Variants in TAFA4 observed in about 807,000 individuals in gnomAD.
TAFA4 encodes the protein TAFA chemokine like family member 4.
Under a neutral mutation model 21.1 loss-of-function variants are expected in TAFA4, and 20 were observed. The ratio of observed to expected loss-of-function variants is 0.95; its 90% CI spans 0.67 to 1.38. TAFA4 has a LOEUF of 1.38. Ranked by LOEUF, TAFA4 falls within the 40% of genes most tolerant of loss-of-function variation. TAFA4 has a pLI of 0.00. For missense variants in TAFA4, 211 were observed against 180.9 expected (o/e 1.17, Z -0.95); for synonymous variants, 71 against 67.4 (o/e 1.05, Z -0.26).
chr3:68,801,008 C>G (rs1027309494), intron 3 of TAFA4, among the ~76,000 whole-genome samples: 24 of 152,094 alleles, frequency 1.6e-4, no homozygotes, highest in Non-Finnish European at 2.4e-4. Flanking sequence ...GTTAGGCTTT[C>G]AAGTGTTGAA....
chr3:68,757,143 T>G (rs1702674156), intron 3 of TAFA4, among the ~76,000 whole-genome samples: 1 of 152,076 alleles, frequency 6.6e-6, no homozygotes, highest in African/African-American at 2.4e-5. Flanking sequence ...AGAAAGGTAT[T>G]TTCTCACAGC....
chr3:68,741,354 A>C (rs1176228100), intron 4 of TAFA4, among the ~76,000 whole-genome samples: 1 of 152,022 alleles, frequency 6.6e-6, no homozygotes, highest in Non-Finnish European at 1.5e-5. Context: ...ATTGATTCTT[A>C]AGTGTTTTAT....
chr3:68,838,476 TG>T (rs1173724647), intron 3 of TAFA4, among the ~76,000 whole-genome samples: 3 of 152,106 alleles, frequency 2.0e-5, no homozygotes, highest in Admixed American at 2.0e-4. Context: ...CAAAATTGAG[TG>T]GCCCAAGCAG....
chr3:68,834,888 A>G (rs756664020), intron 3 of TAFA4, among the ~76,000 whole-genome samples: 4 of 152,076 alleles, frequency 2.6e-5, no homozygotes, highest in Admixed American at 2.6e-4. Context: ...AAACCTCCCA[A>G]TGAGTCTCTG....
rs190732928 is a variant in TAFA4 at position 68,838,868 on chromosome 3, A to C, written c.130+41862T>G. ...TCCCAGCACTTTGGGAGGCCAAGGC[A>C]GGTAGATCGCTTGAGCCCAGGAGTT... On this transcript the variant is annotated intron_variant, in intron 3 of 5. Transcript: ENST00000295569. 5.3e-5 allele frequency among the ~76,000 whole-genome samples: 8 copies of C among 152,238 alleles called. No individual in the cohort carries two copies. The East Asian group carries it at 1.6e-3, about 30-fold the overall frequency.
At chr3:68,811,168 CT>C (rs1703828402) in intron 3 of TAFA4, among the ~76,000 whole-genome samples, 1 of 152,176 alleles carries the variant, frequency 6.6e-6, no homozygotes, top group Non-Finnish European at 1.5e-5. Flanking sequence ...AAAACCCCAT[CT>C]GTCGGTCACC....
intron 1 of TAFA4, among the ~76,000 whole-genome samples, chr3:68,918,560 C>G (rs2107018267): frequency 6.6e-6 from 1 of 152,304 alleles, no homozygotes; most frequent in Non-Finnish European, 1.5e-5. Flanking sequence ...TTGCTCGAGA[C>G]AGGGTCTTGC....
chr3:68,848,684 C>T (rs1278630972), intron 3 of TAFA4, among the ~76,000 whole-genome samples: 1 of 152,154 alleles, frequency 6.6e-6, no homozygotes, highest in African/African-American at 2.4e-5. Context: ...CATCCAGTAC[C>T]AGTGGCTCAG....
chr3:68,784,042 T>C (rs1164846863), intron 3 of TAFA4, among the ~76,000 whole-genome samples: 1 of 152,134 alleles, frequency 6.6e-6, no homozygotes, highest in Non-Finnish European at 1.5e-5. Flanking sequence ...TAAAAATCAA[T>C]TAAGAAAAGG....
chr3:68,875,203 G>C (rs1387118253), intron 3 of TAFA4, among the ~76,000 whole-genome samples: 5 of 151,842 alleles, frequency 3.3e-5, no homozygotes, highest in Non-Finnish European at 7.4e-5. Flanking sequence ...ACTGTACCTT[G>C]ATAGGAGCTA....
At chr3:68,839,798 G>GT (rs1217648500) in intron 3 of TAFA4, among the ~76,000 whole-genome samples, 2 of 152,098 alleles carry the variant, frequency 1.3e-5, no homozygotes, top group Non-Finnish European at 2.9e-5. Context: ...AGGGGAAAGC[G>GT]TAACAAGAGC....
intron 5 of TAFA4, among the ~76,000 whole-genome samples, chr3:68,734,544 C>G (rs1702205676): frequency 6.6e-6 from 1 of 151,754 alleles, no homozygotes; most frequent in East Asian, 1.9e-4. Flanking sequence ...GAATGCATGG[C>G]AAGACTGAAC....
intron 3 of TAFA4, among the ~76,000 whole-genome samples, chr3:68,793,842 T>C (rs907190182): frequency 6.6e-6 from 1 of 152,218 alleles, no homozygotes; most frequent in African/African-American, 2.4e-5. Context: ...GCCATCCCTT[T>C]ACCTGCCGGT....
At chr3:68,892,045 AGG>A in intron 1 of TAFA4, among the ~76,000 whole-genome samples, 1 of 152,190 alleles carries the variant, frequency 6.6e-6, no homozygotes, top group East Asian at 1.9e-4. Context: ...TGTGCTTAAC[AGG>A]TTACCAACGT....
At chr3:68,806,581 C>T (rs907727261) in intron 3 of TAFA4, among the ~76,000 whole-genome samples, 6 of 152,046 alleles carry the variant, frequency 3.9e-5, no homozygotes, top group Non-Finnish European at 7.4e-5. Context: ...TAGTTGTTTA[C>T]TGTAATGGAC....
chr3:68,792,194 A>T (rs1703374628), intron 3 of TAFA4, among the ~76,000 whole-genome samples: 1 of 152,236 alleles, frequency 6.6e-6, no homozygotes, highest in Non-Finnish European at 1.5e-5. Flanking sequence ...ATTAAGTATT[A>T]CTTATCAAGA....
At chr3:68,845,884 G>A (rs746808594) in intron 3 of TAFA4, among the ~76,000 whole-genome samples, 25 of 152,188 alleles carry the variant, frequency 1.6e-4, no homozygotes, top group East Asian at 5.8e-4. Flanking sequence ...TGAGAGATCC[G>A]CTGTTAGTCT....
chr3:68,829,860 T>G (rs2106876482), intron 3 of TAFA4, among the ~76,000 whole-genome samples: 1 of 152,330 alleles, frequency 6.6e-6, no homozygotes, highest in East Asian at 1.9e-4. Context: ...TGCCTCAATT[T>G]CAGAGCCTGT....
At chr3:68,916,339 T>A (rs2090004969) in intron 1 of TAFA4, 1 of 152,228 alleles carries the variant, frequency 6.6e-6, no homozygotes, top group Admixed American at 6.5e-5. Context: ...TTTCTTCTTC[T>A]TGCCCCCAAA....
Sources: gnomAD v4.1 joint callset for allele counts (sites outside exome capture counted in the v4.1 genomes callset) on GRCh38, gnomAD v4.1.1 for gene constraint, MANE v1.5 for transcripts, NCBI Gene and HGNC (gene_info 2026-07-23, HGNC 2026-07-21) for gene names.